KCND2: variants seen among roughly 807,000 people sequenced by gnomAD.
KCND2 encodes the protein A-type voltage-gated potassium channel KCND2.
KCND2 carries 16 observed loss-of-function variants against 54.4 expected under a neutral mutation model. The observed-to-expected ratio is 0.29, with a 90% CI of 0.20 to 0.45. KCND2 has a LOEUF of 0.45. Ranked by LOEUF, KCND2 falls within the 20% of genes least tolerant of loss-of-function variation. The probability of loss-of-function intolerance (pLI) is 1.00; values close to 1 mark genes in which losing one functional copy is unlikely to be tolerated. For missense variants in KCND2, 486 were observed against 824.2 expected, an observed-to-expected ratio of 0.59 and a Z score of 5.02; for synonymous variants, 317 against 310.7, an observed-to-expected ratio of 1.02 and a Z score of -0.21.
intron 1 of KCND2, among the ~76,000 whole-genome samples, chr7:120,396,685 G>A (rs1353979136): frequency 2.0e-5 from 3 of 151,990 alleles, no homozygotes; most frequent in South Asian, 4.1e-4. Context: ...GTGTGCACAT[G>A]TGAGTCCTAA....
In KCND2 at chr7:120,748,997, A is replaced by C. The variant is rs1413388591; in HGVS notation, c.*1139A>C. 1 of 151,960 alleles carries C rather than the reference A, an allele frequency of 6.6e-6. No individual in the cohort carries two copies. The highest frequency in any genetic ancestry group is 1.9e-4 in the East Asian group (1 of 5,186). The allele number at this position is 151,960 out of a possible 1,614,324, so 9.4% of individuals were successfully genotyped here. A position where few individuals can be genotyped will look rare whatever the true frequency, so the allele number is the denominator to read the frequency against. On this transcript the variant is annotated 3_prime_UTR_variant, in exon 6 of 6. Coordinates refer to ENST00000331113, the MANE Select transcript of KCND2 (RefSeq NM_012281.3). ...GAGTTGACCCATATAAATTATCTCTAACGTCTTTGTTGTTTATGGAAAAGC... is the reference window on the plus strand; with the variant it reads ...GAGTTGACCCATATAAATTATCTCTCACGTCTTTGTTGTTTATGGAAAAGC...
chr7:120,466,896 G>C (rs762330899), intron 1 of KCND2, among the ~76,000 whole-genome samples: 6 of 151,958 alleles, frequency 3.9e-5, no homozygotes, highest in African/African-American at 7.3e-5. Context: ...ACATTTCTTG[G>C]CTTGTGGCCC....
chr7:120,679,188 C>A (rs964797508), intron 1 of KCND2, among the ~76,000 whole-genome samples: 1 of 151,762 alleles, frequency 6.6e-6, no homozygotes, highest in Non-Finnish European at 1.5e-5. Context: ...AATGAAAATG[C>A]TAATTAGTTA....
intron 1 of KCND2, among the ~76,000 whole-genome samples, chr7:120,543,311 G>C (rs879673850): frequency 2.6e-5 from 4 of 151,238 alleles, no homozygotes; most frequent in Non-Finnish European, 5.9e-5. Context: ...TTTTTCCCCA[G>C]CAGAGCATGC....
intron 1 of KCND2, among the ~76,000 whole-genome samples, chr7:120,305,324 A>G (rs1370253823): frequency 6.6e-6 from 1 of 152,108 alleles, no homozygotes; most frequent in South Asian, 2.1e-4. Context: ...GGGCCTAGCT[A>G]TGTTGCTATG....
chr7:120,386,519 T>C (rs78429622), intron 1 of KCND2, among the ~76,000 whole-genome samples: 1 of 152,258 alleles, frequency 6.6e-6, no homozygotes, highest in East Asian at 1.9e-4. Flanking sequence ...TAAATACAAT[T>C]ACAAATATTC....
intron 1 of KCND2, among the ~76,000 whole-genome samples, chr7:120,441,629 ACT>A (rs1335245400): frequency 2.6e-5 from 4 of 152,000 alleles, no homozygotes; most frequent in South Asian, 2.1e-4. Context: ...GACATAGAAA[ACT>A]CTCTTTTATG....
rs577196559 is a variant in KCND2 at position 120,456,304 on chromosome 7, T to C, written c.1115+180557T>C. Among the ~76,000 whole-genome samples the C allele has an allele frequency of 4.6e-5, 7 of 152,326 alleles. No homozygotes were observed. The East Asian group carries it at 1.3e-3, about 29-fold the overall frequency. ...CATTGGGCAATTTACCTAACTTCTC[T>C]ACCATGAACCCATCTCTATGAAGTA... On this transcript the variant is annotated intron_variant, in intron 1 of 5. Coordinates refer to ENST00000331113, the MANE Select transcript of KCND2 (RefSeq NM_012281.3).
chr7:120,488,800 A>T (rs1043490643), intron 1 of KCND2, among the ~76,000 whole-genome samples: 1 of 152,066 alleles, frequency 6.6e-6, no homozygotes, highest in African/African-American at 2.4e-5. Context: ...TTTAAATGAA[A>T]GTAATATACA....
intron 1 of KCND2, among the ~76,000 whole-genome samples, chr7:120,364,644 A>G (rs1023429704): frequency 6.6e-6 from 1 of 152,092 alleles, no homozygotes; most frequent in African/African-American, 2.4e-5. Flanking sequence ...GGTAGAGGTC[A>G]TTGGACAGAC....
chr7:120,313,133 T>G (rs910342265), intron 1 of KCND2, among the ~76,000 whole-genome samples: 1 of 152,184 alleles, frequency 6.6e-6, no homozygotes, highest in Non-Finnish European at 1.5e-5. Flanking sequence ...ATTTCACACT[T>G]TCATTTTTCT....
chr7:120,505,605 T>C (rs901128088), intron 1 of KCND2, among the ~76,000 whole-genome samples: 1 of 151,828 alleles, frequency 6.6e-6, no homozygotes, highest in African/African-American at 2.4e-5. Flanking sequence ...GGTCTTTTAA[T>C]ATGATCTCTT....
chr7:120,565,079 A>G (rs1445998357), intron 1 of KCND2, among the ~76,000 whole-genome samples: 1 of 152,198 alleles, frequency 6.6e-6, no homozygotes, highest in Non-Finnish European at 1.5e-5. Flanking sequence ...AGAACTCTAC[A>G]TATTAGGAAT....
At chr7:120,458,224 G>A (rs146105937) in intron 1 of KCND2, among the ~76,000 whole-genome samples, 39 of 152,254 alleles carry the variant, frequency 2.6e-4, no homozygotes, top group African/African-American at 7.7e-4. Flanking sequence ...TTAAGTGTCC[G>A]TGCATCTTAT....
chr7:120,397,967 A>T (rs928896078), intron 1 of KCND2, among the ~76,000 whole-genome samples: 2 of 139,796 alleles, frequency 1.4e-5, no homozygotes, highest in Non-Finnish European at 3.1e-5. Context: ...ATGTGTGTGT[A>T]TATAAGTGTG....
intron 1 of KCND2, among the ~76,000 whole-genome samples, chr7:120,572,372 T>C (rs1792376607): frequency 6.6e-6 from 1 of 152,168 alleles, no homozygotes; most frequent in Non-Finnish European, 1.5e-5. Flanking sequence ...ACAAAAACAA[T>C]GCAGAGGTGT....
chr7:120,443,503 A>G (rs1025890674), intron 1 of KCND2, among the ~76,000 whole-genome samples: 5 of 151,776 alleles, frequency 3.3e-5, no homozygotes, highest in Non-Finnish European at 5.9e-5. Flanking sequence ...TGGTTTATAA[A>G]TCTCTCCTCA....
chr7:120,663,118 G>A (rs948863140), intron 1 of KCND2, among the ~76,000 whole-genome samples: 9 of 152,068 alleles, frequency 5.9e-5, no homozygotes, highest in East Asian at 1.9e-4. Flanking sequence ...ACCATGTAGC[G>A]GTACATGGTA....
Position 120,384,209 on chromosome 7 carries a change from T to TC in KCND2, c.1115+108469dup, listed in dbSNP as rs556299414. Among the ~76,000 whole-genome samples the TC allele has an allele frequency of 7.0e-3, 1,056 of 151,518 alleles. 41 individuals are homozygous for TC. The highest frequency in any genetic ancestry group is 1.7e-3 in the Non-Finnish European group (115 of 67,676). ...TATAGCGATATTTTCATTGTTTTTTTCCCCCCCAAATATTTTCTGTCCATA... is the reference window on the plus strand; with the variant it reads ...TATAGCGATATTTTCATTGTTTTTTTCCCCCCCCAAATATTTTCTGTCCATA... On this transcript the variant is annotated intron_variant, in intron 1 of 5. Transcript: ENST00000331113.
Sources: gnomAD v4.1 joint callset for allele counts (sites outside exome capture counted in the v4.1 genomes callset) on GRCh38, gnomAD v4.1.1 for gene constraint, MANE v1.5 for transcripts, NCBI Gene and HGNC (gene_info 2026-07-23, HGNC 2026-07-21) for gene names.